RIC1: variants seen among roughly 807,000 people sequenced by gnomAD.
The protein encoded by RIC1 is RIC1 partner of RAB6A GEF complex, also known as guanine nucleotide exchange factor subunit RIC1.
A neutral mutation model predicts 169.0 loss-of-function variants in RIC1; 88 were observed. The ratio of observed to expected loss-of-function variants is 0.52; its 90% CI spans 0.44 to 0.62. The LOEUF is 0.62. Among genes scored for constraint, RIC1 ranks in the 20% least tolerant of loss-of-function variants. The pLI, the probability that RIC1 is intolerant of heterozygous loss-of-function variation, is 0.00. For missense variants in RIC1, 1,877 were observed against 1,725.5 expected (o/e 1.09, Z -1.56); for synonymous variants, 790 against 601.5 (o/e 1.31, Z -4.59).
Position 5,629,184 on chromosome 9 carries a change from G to A in RIC1, c.-126G>A, listed in dbSNP as rs1055712585. 27 of 984,236 alleles carry A rather than the reference G, an allele frequency of 2.7e-5. No homozygotes were observed. The highest frequency in any genetic ancestry group is 3.5e-5 in the Non-Finnish European group (26 of 751,562). The allele number at this position is 984,236 out of a possible 1,614,324, so 61.0% of individuals were successfully genotyped here. A position where few individuals can be genotyped will look rare whatever the true frequency, so the allele number is the denominator to read the frequency against. On this transcript the variant is annotated 5_prime_UTR_variant, in exon 1 of 26. Coordinates refer to ENST00000414202, the MANE Select transcript of RIC1 (RefSeq NM_020829.4). ...CCCGGCCCGGCCAGGCCAGCGGGCA[G>A]ATGCCCCGAGCTGCCGCCGCCGCCG...
chr9:5,687,206 G>A (rs1821303831), intron 2 of RIC1, among the ~76,000 whole-genome samples: 1 of 151,982 alleles, frequency 6.6e-6, no homozygotes, highest in South Asian at 2.1e-4. Flanking sequence ...TTCTGTTAGT[G>A]GCTCTTTTTT....
At chr9:5,740,700 A>T (rs1825032019) in intron 8 of RIC1, among the ~76,000 whole-genome samples, 1 of 151,172 alleles carries the variant, frequency 6.6e-6, no homozygotes, top group Non-Finnish European at 1.5e-5. Flanking sequence ...TTCTAGCCGC[A>T]CTGGCAGCTG....
chr9:5,686,549 T>G (rs1384519151), intron 2 of RIC1, among the ~76,000 whole-genome samples: 1 of 147,528 alleles, frequency 6.8e-6, no homozygotes, highest in Admixed American at 6.9e-5. Context: ...ACACCGCATA[T>G]TCTCACTCAT....
intron 6 of RIC1, among the ~76,000 whole-genome samples, chr9:5,729,352 T>C (rs1340000392): frequency 6.6e-6 from 1 of 152,190 alleles, no homozygotes; most frequent in Non-Finnish European, 1.5e-5. Flanking sequence ...GTTGCTTCTT[T>C]AAGTAGGTTT....
chr9:5,755,161 C>CG (rs906254669), intron 15 of RIC1, among the ~76,000 whole-genome samples: 1 of 152,052 alleles, frequency 6.6e-6, no homozygotes, highest in African/African-American at 2.4e-5. Context: ...TTTTAGCTGT[C>CG]GGACATTCCC....
intron 3 of RIC1, among the ~76,000 whole-genome samples, chr9:5,700,082 A>T (rs1345038932): frequency 7.0e-6 from 1 of 143,210 alleles, no homozygotes; most frequent in Non-Finnish European, 1.5e-5. Flanking sequence ...GGCTGTCCCC[A>T]CCCAACCCCA....
chr9:5,642,719 C>G (rs1327952646), intron 1 of RIC1, among the ~76,000 whole-genome samples: 1 of 120,112 alleles, frequency 8.3e-6, no homozygotes, highest in East Asian at 1.9e-4. Flanking sequence ...GCCGGGCAGT[C>G]ATCTTCAGGT....
intron 10 of RIC1, among the ~76,000 whole-genome samples, chr9:5,745,207 A>G (rs1329263495): frequency 6.6e-6 from 1 of 152,134 alleles, no homozygotes; most frequent in Non-Finnish European, 1.5e-5. Context: ...CAGCTTTATC[A>G]TAGGAAAACA....
chr9:5,636,358 C>T (rs1817971058), intron 1 of RIC1, among the ~76,000 whole-genome samples: 1 of 152,058 alleles, frequency 6.6e-6, no homozygotes, highest in African/African-American at 2.4e-5. Flanking sequence ...TCGCTCTTGT[C>T]ACCGAGGCTG....
chr9:5,745,557 C>A (rs1773493914), intron 10 of RIC1, among the ~76,000 whole-genome samples: 1 of 152,162 alleles, frequency 6.6e-6, no homozygotes, highest in African/African-American at 2.4e-5. Flanking sequence ...CTTTGCCAGG[C>A]TTCTACTGGG....
chr9:5,731,982 C>G (rs1425967985), intron 6 of RIC1, among the ~76,000 whole-genome samples: 1 of 152,192 alleles, frequency 6.6e-6, no homozygotes, highest in Non-Finnish European at 1.5e-5. Context: ...CTACTTTTCA[C>G]TGACTGAGAA....
At chr9:5,647,944 G>GTGC (rs1818603084) in intron 1 of RIC1, among the ~76,000 whole-genome samples, 1 of 124,250 alleles carries the variant, frequency 8.0e-6, no homozygotes. Flanking sequence ...GTGGGTGGTG[G>GTGC]TGGTGGTGGT....
intron 1 of RIC1, among the ~76,000 whole-genome samples, chr9:5,641,215 C>G (rs536107845): frequency 6.6e-6 from 1 of 152,030 alleles, no homozygotes; most frequent in East Asian, 1.9e-4. Flanking sequence ...CCTCAGCCTC[C>G]TGAGTACCTG....
chr9:5,749,104 G>C lies in RIC1; in HGVS notation c.1452+1599G>C, dbSNP rs529048465. On this transcript the variant is annotated intron_variant, in intron 12 of 25. Coordinates refer to ENST00000414202, the MANE Select transcript of RIC1 (RefSeq NM_020829.4). ...TGATACATGAGGAAACTGAGGATCA[G>C]AGAAGTTATATGACTTGTCCAGTTC... is the stretch of plus-strand genomic sequence containing the variant. 3.3e-5 allele frequency among the ~76,000 whole-genome samples: 5 copies of C among 152,332 alleles called. No individual in the cohort carries two copies. The East Asian group carries it at 5.8e-4, about 18-fold the overall frequency.
In RIC1 at chr9:5,763,223, C is replaced by T. The variant is rs761125996; in HGVS notation, c.2196C>T (p.His732=). Residue 732 remains histidine (H), a synonymous_variant, in exon 19 of 26, where the codon CAC becomes CAT. Transcript: ENST00000414202. The surrounding 1 kb of genome is among the most constrained non-coding windows in gnomAD (Gnocchi z 5.2). ...GTCGAGCAAATAAACAGAAACGTCA[C>T]CTTCTGGAGGCCCTCTGGCTGAGCT... ...TTCRANKQKR[H]LLEALWLSCG... 1.2e-6 allele frequency: 2 copies of T among 1,613,980 alleles called. No homozygotes were observed. Among genetic ancestry groups the T allele is most frequent in the East Asian group, 4.5e-5 (2 of 44,888 alleles).
intron 8 of RIC1, among the ~76,000 whole-genome samples, chr9:5,739,551 T>G (rs929080804): frequency 1.1e-4 from 16 of 152,208 alleles, no homozygotes; most frequent in Admixed American, 6.5e-5. Context: ...CTGCCAGGAC[T>G]TTATTGATAG....
chr9:5,733,158 T>TA (rs36117509), intron 7 of RIC1, among the ~76,000 whole-genome samples: 3,404 of 151,802 alleles, frequency 0.022, 45 homozygotes, highest in African/African-American at 0.028. Flanking sequence ...CTTTCTTAAA[T>TA]AAAAAATCCT....
At chr9:5,743,863 AG>A (rs1299503752) in intron 10 of RIC1, 126 bp downstream of exon 10, 24 of 685,080 alleles carry the variant, frequency 3.5e-5, no homozygotes, top group Non-Finnish European at 5.7e-5. Flanking sequence ...CAGGTTGGAG[AG>A]CAGTGGCAGA....
At chr9:5,734,016 A>T (rs1474498330) in intron 7 of RIC1, among the ~76,000 whole-genome samples, 2 of 147,706 alleles carry the variant, frequency 1.4e-5, no homozygotes, top group Non-Finnish European at 3.0e-5. Context: ...TTTTAAAAAT[A>T]TACATATATA....
Sources: gnomAD v4.1 joint callset for allele counts (sites outside exome capture counted in the v4.1 genomes callset) on GRCh38, gnomAD v4.1.1 for gene constraint, Gnocchi (gnomAD v3.1) non-coding constraint, MANE v1.5 for transcripts, NCBI Gene and HGNC (gene_info 2026-07-23, HGNC 2026-07-21) for gene names.